SPRR2G: variants seen among roughly 807,000 people sequenced by gnomAD.
The protein encoded by SPRR2G is small proline-rich protein 2G.
Under a neutral mutation model 0.7 loss-of-function variants are expected in SPRR2G, and 1 was observed. The ratio of observed to expected loss-of-function variants is 1.49; its 90% CI spans 0.53 to 7.06. The LOEUF is 7.06. Among genes scored for constraint, SPRR2G ranks in the 30% most tolerant of loss-of-function variants. SPRR2G has a pLI of 0.14. For synonymous variants in SPRR2G, 38 were observed against 33.9 expected (o/e 1.12, Z -0.42); for missense variants, 96 against 88.5 (o/e 1.09, Z -0.34).
At chr1:153,151,008 T>C (rs1454729424), upstream of SPRR2G, 2 of 152,296 alleles carry the variant, frequency 1.3e-5, no homozygotes, top group Non-Finnish European at 2.9e-5. Context: ...ATGTAATCCA[T>C]GCTGGTATCA....
chr1:153,177,665 T>G, the SPRR2G span, among the ~76,000 whole-genome samples: 1 of 152,184 alleles, frequency 6.6e-6, no homozygotes, highest in African/African-American at 2.4e-5. Flanking sequence ...TGTAGGTCTA[T>G]TTCTGAGTTC....
At chr1:153,199,147 G>A in the SPRR2G span, among the ~76,000 whole-genome samples, 10 of 152,148 alleles carry the variant, frequency 6.6e-5, no homozygotes, top group African/African-American at 2.2e-4. Flanking sequence ...AAAAACTTAC[G>A]CAATGGTGAT....
chr1:153,181,162 G>A, the SPRR2G span, among the ~76,000 whole-genome samples: 1 of 151,658 alleles, frequency 6.6e-6, no homozygotes, highest in Non-Finnish European at 1.5e-5. Flanking sequence ...CACCTTATTG[G>A]TATGCTTTTT....
chr1:153,157,575 C>A, the SPRR2G span, among the ~76,000 whole-genome samples: 2 of 152,040 alleles, frequency 1.3e-5, no homozygotes, highest in African/African-American at 4.8e-5. Context: ...ATATCATCAC[C>A]ACAATCAAGA....
chr1:153,172,792 C>G, the SPRR2G span, among the ~76,000 whole-genome samples: 3 of 152,202 alleles, frequency 2.0e-5, no homozygotes, highest in Non-Finnish European at 4.4e-5. Flanking sequence ...GAAGAAGAGA[C>G]AGCTACTGGG....
chr1:153,178,670 A>T, the SPRR2G span, among the ~76,000 whole-genome samples: 1 of 152,058 alleles, frequency 6.6e-6, no homozygotes, highest in Non-Finnish European at 1.5e-5. Context: ...TGCTAGACTC[A>T]ATTTACTGAT....
chr1:153,186,897 G>C, the SPRR2G span, among the ~76,000 whole-genome samples: 3 of 152,252 alleles, frequency 2.0e-5, no homozygotes, highest in South Asian at 6.2e-4. Flanking sequence ...TGGCCTGGGG[G>C]TGACAAAATC....
chr1:153,197,263 T>A, the SPRR2G span, among the ~76,000 whole-genome samples: 2 of 151,688 alleles, frequency 1.3e-5, no homozygotes, highest in Admixed American at 1.3e-4. Context: ...GAAGCTTGAG[T>A]CCATCTCTGC....
chr1:153,179,794 T>G, the SPRR2G span, among the ~76,000 whole-genome samples: 1 of 152,142 alleles, frequency 6.6e-6, no homozygotes, highest in Admixed American at 6.6e-5. Context: ...AAGTTTCCTA[T>G]CTTGTGTCCT....
At chr1:153,187,363 C>T in the SPRR2G span, among the ~76,000 whole-genome samples, 1 of 152,182 alleles carries the variant, frequency 6.6e-6, no homozygotes, top group African/African-American at 2.4e-5. Context: ...GCTCTTTTCA[C>T]ATAGTCCCAT....
the SPRR2G span, among the ~76,000 whole-genome samples, chr1:153,188,071 C>A: frequency 3.3e-5 from 5 of 152,042 alleles, no homozygotes; most frequent in Non-Finnish European, 7.4e-5. Context: ...ACTCCTTCCT[C>A]TGGAAGTTTC....
upstream of SPRR2G, among the ~76,000 whole-genome samples, chr1:153,155,402 A>G (rs1293554412): frequency 2.6e-5 from 4 of 152,046 alleles, no homozygotes; most frequent in Non-Finnish European, 4.4e-5. Flanking sequence ...TAAACTCCTC[A>G]TTCTGACAGT....
At chr1:153,152,630 G>T (rs943070148), upstream of SPRR2G, among the ~76,000 whole-genome samples, 3 of 152,168 alleles carry the variant, frequency 2.0e-5, no homozygotes, top group African/African-American at 7.2e-5. Context: ...AGTCATCTAA[G>T]TTACTATCAG....
At chr1:153,155,124 T>C (rs1191367059), upstream of SPRR2G, among the ~76,000 whole-genome samples, 1 of 152,192 alleles carries the variant, frequency 6.6e-6, no homozygotes, top group African/African-American at 2.4e-5. Flanking sequence ...CTATGCATTC[T>C]CTAGTTACAA....
the SPRR2G span, among the ~76,000 whole-genome samples, chr1:153,162,598 C>A: frequency 6.7e-6 from 1 of 149,674 alleles, no homozygotes; most frequent in Non-Finnish European, 1.5e-5. Flanking sequence ...AGGCCCAAGA[C>A]CCTGGCCTTA....
chr1:153,161,667 C>T, the SPRR2G span, among the ~76,000 whole-genome samples: 1 of 152,090 alleles, frequency 6.6e-6, no homozygotes, highest in Non-Finnish European at 1.5e-5. Flanking sequence ...TACCCTAGGA[C>T]TCACCTAAGA....
chr1:153,183,767 T>A, the SPRR2G span, among the ~76,000 whole-genome samples: 6 of 152,222 alleles, frequency 3.9e-5, no homozygotes. Context: ...CAATTGCTTT[T>A]AGTGTTTCAG....
At chr1:153,170,627 G>A in the SPRR2G span, among the ~76,000 whole-genome samples, 5 of 152,154 alleles carry the variant, frequency 3.3e-5, no homozygotes, top group Admixed American at 3.3e-4. Flanking sequence ...TGGAAGAAGG[G>A]CTTGATAGAG....
At chr1:153,191,916 A>C in the SPRR2G span, among the ~76,000 whole-genome samples, 2 of 152,218 alleles carry the variant, frequency 1.3e-5, no homozygotes, top group African/African-American at 4.8e-5. Context: ...AATAATCATT[A>C]ATCAGAACCA....
Sources: gnomAD v4.1 joint callset for allele counts (sites outside exome capture counted in the v4.1 genomes callset) on GRCh38, gnomAD v4.1.1 for gene constraint, MANE v1.5 for transcripts, NCBI Gene and HGNC (gene_info 2026-07-23, HGNC 2026-07-21) for gene names.